VAX2: variants seen among roughly 807,000 people sequenced by gnomAD.
VAX2 encodes ventral anterior homeobox 2.
VAX2 carries 8 observed loss-of-function variants against 12.5 expected under a neutral mutation model. The ratio of observed to expected loss-of-function variants is 0.64; its 90% confidence interval spans 0.37 to 1.15. The LOEUF (loss-of-function observed/expected upper bound fraction) is 1.15. Among genes scored for constraint, VAX2 ranks in the 50% most tolerant of loss-of-function variants. VAX2 has a pLI of 0.01. For missense variants in VAX2, 476 were observed against 412.9 expected, an observed-to-expected ratio of 1.15 and a Z score of -1.32; for synonymous variants, 183 against 187.6, an observed-to-expected ratio of 0.98 and a Z score of 0.20.
chr2:70,925,496 G>T (rs182541228), intron 2 of VAX2, among the ~76,000 whole-genome samples: 2 of 152,288 alleles, frequency 1.3e-5, no homozygotes, highest in East Asian at 3.9e-4. Context: ...AAGATGGTGG[G>T]AGCATAATCA....
intron 2 of VAX2, among the ~76,000 whole-genome samples, chr2:70,929,694 A>AAAAAG (rs1249842640): frequency 1.4e-4 from 21 of 152,096 alleles, no homozygotes; most frequent in African/African-American, 4.1e-4. Context: ...CTCAAAAAAA[A>AAAAAG]AAAACAATGT....
intron 2 of VAX2, among the ~76,000 whole-genome samples, chr2:70,929,924 G>A (rs958092144): frequency 6.0e-5 from 9 of 150,822 alleles, no homozygotes; most frequent in African/African-American, 2.2e-4. Context: ...GATTCACTGG[G>A]CTTTGTTCAC....
chr2:70,932,637 A>AGCCCCCCCCCCC, intron 2 of VAX2, 130 bp from the exon 3 acceptor site: 1 of 144,554 alleles, frequency 6.9e-6, no homozygotes, highest in African/African-American at 3.0e-5. Flanking sequence ...CCACCCTCAC[A>AGCCCCCCCCCCC]CCCCACCCCC....
intron 2 of VAX2, among the ~76,000 whole-genome samples, chr2:70,928,260 C>T (rs1679616712): frequency 2.0e-5 from 3 of 152,230 alleles, no homozygotes; most frequent in African/African-American, 4.8e-5. Flanking sequence ...TTCTTACTCT[C>T]ACCCTTGAAG....
At chr2:70,901,769 G>T (rs1553409823) in intron 1 of VAX2, among the ~76,000 whole-genome samples, 1 of 152,206 alleles carries the variant, frequency 6.6e-6, no homozygotes, top group African/African-American at 2.4e-5. Flanking sequence ...GGAGAAAGGG[G>T]ACTCCGGGGT....
intron 2 of VAX2, among the ~76,000 whole-genome samples, chr2:70,929,128 G>A (rs894105595): frequency 2.0e-5 from 3 of 152,222 alleles, no homozygotes; most frequent in Non-Finnish European, 4.4e-5. Context: ...AAATGGGAAA[G>A]GGTTTTCTTC....
chr2:70,907,647 C>T (rs1679090987), intron 1 of VAX2, among the ~76,000 whole-genome samples: 1 of 152,240 alleles, frequency 6.6e-6, no homozygotes, highest in African/African-American at 2.4e-5. Context: ...GGACACTCTA[C>T]GAGGCACAGC....
chr2:70,906,678 C>T (rs1214878617), intron 1 of VAX2, among the ~76,000 whole-genome samples: 6 of 151,976 alleles, frequency 3.9e-5, no homozygotes, highest in Admixed American at 2.0e-4. Context: ...CAGGACTGAG[C>T]TACCGCGCGT....
chr2:70,924,605 C>T (rs1553413308), intron 2 of VAX2, among the ~76,000 whole-genome samples: 1 of 151,908 alleles, frequency 6.6e-6, no homozygotes, highest in Non-Finnish European at 1.5e-5. Flanking sequence ...GTAATAGTAC[C>T]CATGAAGATG....
chr2:70,916,357 A>G (rs1679305019), intron 1 of VAX2, among the ~76,000 whole-genome samples: 1 of 152,252 alleles, frequency 6.6e-6, no homozygotes, highest in Admixed American at 6.5e-5. Context: ...TAACTAGACT[A>G]CAGACCTTCC....
intron 2 of VAX2, among the ~76,000 whole-genome samples, chr2:70,923,215 C>T (rs1227142743): frequency 6.6e-6 from 1 of 152,166 alleles, no homozygotes; most frequent in Non-Finnish European, 1.5e-5. Flanking sequence ...TACAACCCTC[C>T]TTCCTCTGTC....
chr2:70,921,381 C>A (rs895623507), intron 2 of VAX2, 96 bp downstream of exon 2: 107 of 1,363,788 alleles, frequency 7.8e-5, no homozygotes, highest in Admixed American at 1.9e-4. Context: ...GGAGACCCAA[C>A]TTTGGAGGAG....
In VAX2 at chr2:70,933,227, G is replaced by A. The variant is rs782276146; in HGVS notation, c.*23G>A. On this transcript the variant is annotated 3_prime_UTR_variant, in exon 3 of 3. Transcript: ENST00000234392. The stretch of plus-strand genomic sequence containing the variant: ...TAAGACTCCCACCCTGTGACACTGA[G>A]TCCCGAGCACAGCACCTTCCCAGTC... 4.7e-6 allele frequency: 7 copies of A among 1,494,002 alleles called. No homozygotes were observed. In the Admixed American group the frequency reaches 7.0e-5, roughly 15 times the overall value. 92.5% of individuals were successfully genotyped at this position (1,494,002 alleles called of 1,614,324 possible).
rs150076018 is a variant in VAX2, at chr2:70,909,636, ATTT to A, written c.247+8773_247+8775del. On this transcript the variant is annotated intron_variant, in intron 1 of 2. Transcript: ENST00000234392. ...GTAAGTTATATATTACAAAAATTGG[ATTT>A]TTTTGCAATGACTTTTTTCTTAATT... 3.3e-5 allele frequency among the ~76,000 whole-genome samples: 5 copies of A among 152,182 alleles called. No homozygotes were observed. The East Asian group carries it at 9.6e-4, about 29-fold the overall frequency.
chr2:70,900,626 G>A lies in VAX2; in HGVS notation c.5G>A (p.Gly2Asp), dbSNP rs1678894134. ...GGGTTGGCAGTGGCGGTCAGCATGG[G>A]CGATGGGGGCGCCGAGCGCGACCGG... M[G>D]DGGAERDRGP... Residue 2 changes from glycine to aspartate, a missense_variant, in exon 1 of 3, where the codon GGC becomes GAC. Physicochemically the swap from Gly to Asp is moderately conservative, Grantham distance 94. Transcript: ENST00000234392. 9 of 1,269,608 alleles carry A rather than the reference G, an allele frequency of 7.1e-6. No homozygotes were observed. Among genetic ancestry groups the A allele is most frequent in the Admixed American group, 4.2e-5 (1 of 23,728 alleles). 78.6% of individuals were successfully genotyped at this position (1,269,608 alleles called of 1,614,324 possible).
chr2:70,909,994 C>A (rs1413832170), intron 1 of VAX2, among the ~76,000 whole-genome samples: 2 of 151,856 alleles, frequency 1.3e-5, no homozygotes, highest in Non-Finnish European at 2.9e-5. Flanking sequence ...TTTTTTAAAT[C>A]TTATTTATGA....
At chr2:70,916,340 A>G (rs1377400367) in intron 1 of VAX2, among the ~76,000 whole-genome samples, 2 of 152,260 alleles carry the variant, frequency 1.3e-5, no homozygotes, top group Admixed American at 1.3e-4. Context: ...CATTAATACA[A>G]TATAATTAAC....
intron 1 of VAX2, among the ~76,000 whole-genome samples, chr2:70,907,662 G>A (rs562584540): frequency 1.9e-4 from 29 of 152,338 alleles, no homozygotes; most frequent in African/African-American, 6.7e-4. Flanking sequence ...CACAGCCTCC[G>A]GCAGGGCCAC....
At chr2:70,906,520 CT>C (rs869309305) in intron 1 of VAX2, among the ~76,000 whole-genome samples, 2,349 of 60,344 alleles carry the variant, frequency 0.039, 11 homozygotes, top group Middle Eastern at 0.056. Flanking sequence ...TTTTCTTTTC[CT>C]TTTTTTTTTT....
Sources: gnomAD v4.1 joint callset for allele counts (sites outside exome capture counted in the v4.1 genomes callset) on GRCh38, gnomAD v4.1.1 for gene constraint, MANE v1.5 for transcripts, NCBI Gene and HGNC (gene_info 2026-07-23, HGNC 2026-07-21) for gene names.